The following MPDZ variants were observed in gnomAD, a reference collection of about 807,000 sequenced individuals.
MPDZ encodes multiple PDZ domain crumbs cell polarity complex component, also known as multiple PDZ domain protein.
MPDZ carries 234 observed loss-of-function variants against 239.1 expected under a neutral mutation model. The ratio of observed to expected loss-of-function variants is 0.98; its 90% CI spans 0.88 to 1.09. MPDZ has a LOEUF of 1.09. MPDZ is among the 50% of genes least tolerant of loss of function. The probability of loss-of-function intolerance (pLI) is 0.00; values close to 1 mark genes in which losing one functional copy is unlikely to be tolerated. For missense variants in MPDZ, 3,175 were observed against 2,510.0 expected (o/e 1.26, Z -5.66); for synonymous variants, 1,048 against 881.3 (o/e 1.19, Z -3.35).
intron 6 of MPDZ, 122 bp from the exon 7 acceptor site, chr9:13,221,622 G>A: frequency 1.9e-6 from 2 of 1,030,682 alleles, no homozygotes; most frequent in South Asian, 1.9e-5. Flanking sequence ...ACATAATAAT[G>A]AGTCCTAACA....
intron 1 of MPDZ, among the ~76,000 whole-genome samples, chr9:13,273,878 C>G (rs1439220530): frequency 1.3e-5 from 2 of 152,154 alleles, no homozygotes; most frequent in African/African-American, 4.8e-5. Context: ...TATCATATCT[C>G]TTCAAAAGAC....
chr9:13,161,021 T>C (rs1430590424), intron 23 of MPDZ, among the ~76,000 whole-genome samples: 1 of 151,342 alleles, frequency 6.6e-6, no homozygotes, highest in Non-Finnish European at 1.5e-5. Context: ...TTGGTATCCA[T>C]GGGGAGTCCT....
chr9:13,157,368 A>T (rs953491392), intron 24 of MPDZ, among the ~76,000 whole-genome samples: 1 of 152,168 alleles, frequency 6.6e-6, no homozygotes, highest in Non-Finnish European at 1.5e-5. Flanking sequence ...CAGGATTTGC[A>T]TCTTCTATTT....
chr9:13,183,297 C>A, intron 19 of MPDZ, 121 bp downstream of exon 19: 2 of 744,796 alleles, frequency 2.7e-6, no homozygotes, highest in South Asian at 2.7e-5. Context: ...ATAATGAATC[C>A]ACAACTGGAG....
At chr9:13,246,290 A>T (rs1426477456) in intron 3 of MPDZ, among the ~76,000 whole-genome samples, 1 of 152,046 alleles carries the variant, frequency 6.6e-6, no homozygotes, top group Admixed American at 6.6e-5. Context: ...AAAAATACAA[A>T]AATTAGCTGG....
chr9:13,191,803 T>C (rs1563996640), intron 15 of MPDZ, among the ~76,000 whole-genome samples: 1 of 152,276 alleles, frequency 6.6e-6, no homozygotes, highest in East Asian at 1.9e-4. Context: ...TGCAAGTAAA[T>C]TAAACAAGTA....
intron 21 of MPDZ, among the ~76,000 whole-genome samples, 171 bp downstream of exon 21, chr9:13,175,581 C>T (rs1011987453): frequency 8.6e-5 from 13 of 151,960 alleles, no homozygotes; most frequent in African/African-American, 3.1e-4. Context: ...AGTAAACAAA[C>T]CTGTAAACCA....
At chr9:13,221,784 T>TA (rs1480806744) in intron 6 of MPDZ, among the ~76,000 whole-genome samples, 4 of 149,976 alleles carry the variant, frequency 2.7e-5, no homozygotes, top group East Asian at 2.0e-4. Context: ...AGAACTTCTT[T>TA]AAAAAAAAAG....
chr9:13,246,333 T>A (rs1172620215), intron 3 of MPDZ, among the ~76,000 whole-genome samples: 2 of 152,032 alleles, frequency 1.3e-5, no homozygotes, highest in African/African-American at 2.4e-5. Flanking sequence ...TCCCAGCTAG[T>A]CAGGAGGCTG....
intron 35 of MPDZ, 136 bp downstream of exon 35, chr9:13,125,080 C>T: frequency 1.5e-6 from 1 of 688,106 alleles, no homozygotes; most frequent in Non-Finnish European, 2.3e-6. Context: ...TTATATCCTG[C>T]CCTCACCATA....
rs767275187 is a variant in MPDZ, at chr9:13,110,072, C to G, written c.5830-8G>C. ...GTCTCCTCCAGCAACCACCTGCGCA[C>G]AGGAGGAGGATAAACAGAAAAAACA... On this transcript the variant is annotated splice_polypyrimidine_tract_variant and splice_region_variant and intron_variant, in intron 44 of 46. Coordinates refer to ENST00000319217, the MANE Select transcript of MPDZ (RefSeq NM_001378778.1). 1.2e-6 allele frequency: 2 copies of G among 1,607,256 alleles called. No individual in the cohort carries two copies. The highest frequency in any genetic ancestry group is 1.1e-5 in the South Asian group (1 of 90,148).
At chr9:13,235,762 A>G (rs1209996330) in intron 3 of MPDZ, among the ~76,000 whole-genome samples, 1 of 152,206 alleles carries the variant, frequency 6.6e-6, no homozygotes, top group African/African-American at 2.4e-5. Context: ...ATATAGGTAC[A>G]AAGCATATTT....
At chr9:13,168,261 G>A (rs1209447966) in intron 22 of MPDZ, 105 bp downstream of exon 22, 15 of 1,001,218 alleles carry the variant, frequency 1.5e-5, no homozygotes, top group Middle Eastern at 2.6e-4. Flanking sequence ...TAAAAAAAAT[G>A]TGATAACGTT....
chr9:13,136,327 T>A (rs1398788423), intron 30 of MPDZ, 145 bp from the exon 31 acceptor site: 14 of 228,894 alleles, frequency 6.1e-5, no homozygotes, highest in East Asian at 1.6e-4. Flanking sequence ...AACGTTTTCT[T>A]TTTTTTTTTT....
At chr9:13,277,510 G>GT (rs1182802656) in intron 1 of MPDZ, among the ~76,000 whole-genome samples, 2 of 152,074 alleles carry the variant, frequency 1.3e-5, no homozygotes, top group Non-Finnish European at 2.9e-5. Flanking sequence ...GCTTAGTATT[G>GT]TATTAGAAGA....
At chr9:13,168,813 T>C (rs78185602) in intron 21 of MPDZ, among the ~76,000 whole-genome samples, 1 of 152,170 alleles carries the variant, frequency 6.6e-6, no homozygotes, top group African/African-American at 2.4e-5. Context: ...GGAATGAATG[T>C]AATTTAGACC....
intron 1 of MPDZ, among the ~76,000 whole-genome samples, chr9:13,266,613 C>T (rs752664678): frequency 2.6e-5 from 4 of 152,164 alleles, no homozygotes; most frequent in East Asian, 1.9e-4. Flanking sequence ...TTTCCAAACA[C>T]ATAACTTGTT....
At chr9:13,253,336 T>G (rs548727854) in intron 1 of MPDZ, among the ~76,000 whole-genome samples, 3 of 152,190 alleles carry the variant, frequency 2.0e-5, no homozygotes, top group African/African-American at 7.2e-5. Context: ...CTAAAATAAA[T>G]GCATAGCTTT....
At chr9:13,249,402 C>T (rs1411942215) in intron 2 of MPDZ, among the ~76,000 whole-genome samples, 1 of 152,098 alleles carries the variant, frequency 6.6e-6, no homozygotes, top group Non-Finnish European at 1.5e-5. Flanking sequence ...GTAGTCTTTA[C>T]AGCATGTGGG....
Sources: allele counts gnomAD v4.1 joint callset (sites outside exome capture counted in the v4.1 genomes callset), GRCh38; gene constraint gnomAD v4.1.1; transcripts MANE v1.5; gene names NCBI Gene and HGNC (gene_info 2026-07-23, HGNC 2026-07-21).